The following ITGB8 variants were observed in gnomAD, a reference collection of about 807,000 sequenced individuals.
The protein encoded by ITGB8 is integrin subunit beta 8.
A neutral mutation model predicts 89.5 loss-of-function variants in ITGB8; 30 were observed. The observed-to-expected ratio is 0.34, with a 90% confidence interval of 0.25 to 0.45. ITGB8 has a LOEUF of 0.45. ITGB8 is among the 20% of genes least tolerant of loss of function. ITGB8 has a pLI of 1.00. For synonymous variants in ITGB8, 335 were observed against 320.4 expected (o/e 1.05, Z -0.49); for missense variants, 836 against 933.3 (o/e 0.90, Z 1.36).
At chr7:20,374,407 C>T (rs1369999108) in intron 3 of ITGB8, among the ~76,000 whole-genome samples, 5 of 150,210 alleles carry the variant, frequency 3.3e-5, no homozygotes, top group Non-Finnish European at 7.4e-5. Context: ...GTAATAATTA[C>T]TAACATATGC....
chr7:20,384,806 A>C (rs975664390), intron 6 of ITGB8, among the ~76,000 whole-genome samples: 1 of 152,236 alleles, frequency 6.6e-6, no homozygotes, highest in Non-Finnish European at 1.5e-5. Flanking sequence ...ATAAGTTGTA[A>C]AACAACATAT....
chr7:20,350,846 C>T (rs2128131521), intron 1 of ITGB8, among the ~76,000 whole-genome samples: 1 of 152,360 alleles, frequency 6.6e-6, no homozygotes, highest in South Asian at 2.1e-4. Context: ...CAGCTCAGAG[C>T]TGTCCCCTGG....
chr7:20,346,293 T>TG (rs1784920557), intron 1 of ITGB8, among the ~76,000 whole-genome samples: 1 of 152,094 alleles, frequency 6.6e-6, no homozygotes, highest in Non-Finnish European at 1.5e-5. Context: ...GATAAGGGAC[T>TG]GGGATATGGG....
intron 6 of ITGB8, 69 bp from the exon 7 acceptor site, chr7:20,391,334 A>T: frequency 1.4e-6 from 1 of 725,004 alleles, no homozygotes; most frequent in East Asian, 2.9e-5. Context: ...AGTTTTCTTC[A>T]TATTAGATGT....
At chr7:20,356,481 TCAAAGCA>T (rs1360607075) in intron 1 of ITGB8, among the ~76,000 whole-genome samples, 1 of 152,222 alleles carries the variant, frequency 6.6e-6, no homozygotes, top group Non-Finnish European at 1.5e-5. Flanking sequence ...TTGACTGTTA[TCAAAGCA>T]GAACATGTAT....
chr7:20,406,951 G>C (rs1787568109), intron 12 of ITGB8, among the ~76,000 whole-genome samples: 1 of 151,868 alleles, frequency 6.6e-6, no homozygotes, highest in Non-Finnish European at 1.5e-5. Context: ...TGTAAAAGCA[G>C]ATCATCATTA....
At chr7:20,388,961 C>T (rs962375436) in intron 6 of ITGB8, among the ~76,000 whole-genome samples, 3 of 152,194 alleles carry the variant, frequency 2.0e-5, no homozygotes, top group African/African-American at 7.2e-5. Context: ...CTGCAAAGGA[C>T]ATGAACTCAC....
At chr7:20,360,552 TTGG>T (rs1785461501) in intron 1 of ITGB8, among the ~76,000 whole-genome samples, 1 of 152,106 alleles carries the variant, frequency 6.6e-6, no homozygotes, top group South Asian at 2.1e-4. Context: ...TTGTATGTCT[TTGG>T]GTACCTATAG....
chr7:20,386,774 A>G (rs1174486697), intron 6 of ITGB8, among the ~76,000 whole-genome samples: 1 of 152,170 alleles, frequency 6.6e-6, no homozygotes, highest in Non-Finnish European at 1.5e-5. Flanking sequence ...TATGGTTTGC[A>G]AAAGTGACAC....
rs1787901277 is a variant in ITGB8 at position 20,415,621 on chromosome 7, G to A, written c.*5624G>A. 2 of 152,418 alleles carry A rather than the reference G, an allele frequency of 1.3e-5. No homozygotes were observed. The highest frequency in any genetic ancestry group is 2.1e-4 in the South Asian group (1 of 4,824). 9.4% of individuals were successfully genotyped at this position (152,418 alleles called of 1,614,324 possible). A position where few individuals can be genotyped will look rare whatever the true frequency, so the allele number is the denominator to read the frequency against. Reference sequence around the variant, plus strand: ...TTAAAGAGCTGACACTGTAGTTTGTGGTGAGATGTTTATTTTTCTAACAGA... The same window carrying A: ...TTAAAGAGCTGACACTGTAGTTTGTAGTGAGATGTTTATTTTTCTAACAGA... On this transcript the variant is annotated 3_prime_UTR_variant, in exon 14 of 14. Transcript: ENST00000222573.
At chr7:20,390,263 T>A (rs1307994425) in intron 6 of ITGB8, among the ~76,000 whole-genome samples, 2 of 152,174 alleles carry the variant, frequency 1.3e-5, no homozygotes, top group Non-Finnish European at 2.9e-5. Flanking sequence ...ATCTTTGGCT[T>A]ATGCCATTAG....
Position 20,398,918 on chromosome 7 carries a change from A to C in ITGB8, c.1205A>C (p.Asn402Thr). The C allele has an allele frequency of 6.2e-7, 1 of 1,610,568 alleles. No individual in the cohort carries two copies. Among genetic ancestry groups the C allele is most frequent in the Non-Finnish European group, 8.5e-7 (1 of 1,178,796 alleles). The part of the protein sequence containing the change: ...VENQVQGIYF[N>T]ITAICPDGSR... ...AACCAGGTACAAGGCATCTATTTTA[A>C]CATTACCGCCATCTGTCCAGATGGG... is the stretch of plus-strand genomic sequence containing the variant. Residue 402 changes from asparagine to threonine, a missense_variant, in exon 9 of 14, where the codon AAC becomes ACC. By Grantham distance (65) the Asn-to-Thr change is moderately conservative. Coordinates refer to ENST00000222573, the MANE Select transcript of ITGB8 (RefSeq NM_002214.3).
chr7:20,408,881 A>G (rs138991870), intron 12 of ITGB8, among the ~76,000 whole-genome samples: 162 of 152,216 alleles, frequency 1.1e-3, no homozygotes, highest in African/African-American at 3.6e-3. Flanking sequence ...TATTTGTCCT[A>G]AGCATTATTT....
intron 1 of ITGB8, among the ~76,000 whole-genome samples, chr7:20,361,818 T>A (rs1785514218): frequency 6.6e-6 from 1 of 152,220 alleles, no homozygotes; most frequent in Non-Finnish European, 1.5e-5. Flanking sequence ...GGAATTTTCA[T>A]ACTCTGGGTA....
intron 1 of ITGB8, among the ~76,000 whole-genome samples, chr7:20,332,221 C>A (rs1293768214): frequency 6.6e-6 from 1 of 152,176 alleles, no homozygotes; most frequent in Admixed American, 6.5e-5. Flanking sequence ...AGAGGGTGTC[C>A]TGTTTACAGA....
intron 7 of ITGB8, among the ~76,000 whole-genome samples, chr7:20,393,263 G>A (rs186548262): frequency 6.5e-4 from 99 of 152,138 alleles, no homozygotes; most frequent in African/African-American, 2.3e-3. Flanking sequence ...TTAAAAATTT[G>A]CCATTAACTG....
chr7:20,396,077 C>T (rs1462175318), intron 8 of ITGB8, among the ~76,000 whole-genome samples: 1 of 152,168 alleles, frequency 6.6e-6, no homozygotes, highest in Non-Finnish European at 1.5e-5. Flanking sequence ...TTCTCGTTTT[C>T]TCCAGACAGC....
rs1384689572 is a variant in ITGB8 at position 20,331,864 on chromosome 7, C to T, written c.58C>T (p.Arg20Trp). The change falls in exon 1 of 14, where the codon CGG becomes TGG. Residue 20 changes from arginine (R) to tryptophan (W), a missense_variant. Coordinates refer to ENST00000222573, the MANE Select transcript of ITGB8 (RefSeq NM_002214.3). ...TGCATTTGTCTGCCTGCAAAACGACCGGCGAGGTCCCGCCTCGTTCCTCTG... is the reference window on the plus strand; with the variant it reads ...TGCATTTGTCTGCCTGCAAAACGACTGGCGAGGTCCCGCCTCGTTCCTCTG... ...TAAFVCLQND[R>W]RGPASFLWAA... 1.2e-6 allele frequency: 2 copies of T among 1,614,024 alleles called. No homozygotes were observed. The highest frequency in any genetic ancestry group is 3.3e-5 in the Admixed American group (2 of 60,030).
At chr7:20,363,838 C>T (rs779533457) in intron 2 of ITGB8, 116 bp downstream of exon 2, 18 of 484,510 alleles carry the variant, frequency 3.7e-5, no homozygotes, top group Non-Finnish European at 5.4e-5. Flanking sequence ...TACTGCTGAA[C>T]ATAAGGAAAA....
Sources: gnomAD v4.1 joint callset for allele counts (sites outside exome capture counted in the v4.1 genomes callset) on GRCh38, gnomAD v4.1.1 for gene constraint, MANE v1.5 for transcripts, NCBI Gene and HGNC (gene_info 2026-07-23, HGNC 2026-07-21) for gene names.